The following CNTN4 variants were observed in gnomAD, a reference collection of about 807,000 sequenced individuals.
The protein encoded by CNTN4 is contactin 4, also known as contactin-4.
Under a neutral mutation model 122.5 loss-of-function variants are expected in CNTN4, and 77 were observed. The ratio of observed to expected loss-of-function variants is 0.63; its 90% CI spans 0.52 to 0.76. CNTN4 has a LOEUF of 0.76. Among genes scored for constraint, CNTN4 ranks in the 30% least tolerant of loss-of-function variants. The probability of loss-of-function intolerance (pLI) is 0.00; values close to 1 mark genes in which losing one functional copy is unlikely to be tolerated. For missense variants in CNTN4, 1,256 were observed against 1,259.1 expected, an observed-to-expected ratio of 1.00 and a Z score of 0.04; for synonymous variants, 512 against 447.0, an observed-to-expected ratio of 1.15 and a Z score of -1.83.
At chr3:2,396,176 C>A (rs1294110177) in intron 3 of CNTN4, among the ~76,000 whole-genome samples, 1 of 151,994 alleles carries the variant, frequency 6.6e-6, no homozygotes, top group Non-Finnish European at 1.5e-5. Flanking sequence ...AAGCATGCAC[C>A]ATCATGCCCT....
chr3:2,276,420 T>C (rs755990645), intron 2 of CNTN4, among the ~76,000 whole-genome samples: 41 of 152,052 alleles, frequency 2.7e-4, no homozygotes, highest in Non-Finnish European at 4.9e-4. Context: ...GTGATCCACC[T>C]GCCTCTGCCT....
intron 2 of CNTN4, among the ~76,000 whole-genome samples, chr3:2,295,575 T>C (rs898540008): frequency 1.3e-5 from 2 of 152,200 alleles, no homozygotes; most frequent in African/African-American, 4.8e-5. Flanking sequence ...ATTCTGGATA[T>C]TAGTCCTTTG....
chr3:2,206,928 A>C (rs1361450774), intron 2 of CNTN4, among the ~76,000 whole-genome samples: 1 of 150,382 alleles, frequency 6.6e-6, no homozygotes, highest in Non-Finnish European at 1.5e-5. Flanking sequence ...CTCTGAGTTG[A>C]GCAAGGCTAT....
chr3:2,108,533 A>T (rs1267219834), intron 2 of CNTN4, among the ~76,000 whole-genome samples: 1 of 152,022 alleles, frequency 6.6e-6, no homozygotes, highest in African/African-American at 2.4e-5. Flanking sequence ...TTAACATGCC[A>T]CTCGGTGCAA....
At chr3:2,794,457 C>CT (rs1178010189) in intron 6 of CNTN4, among the ~76,000 whole-genome samples, 2 of 152,108 alleles carry the variant, frequency 1.3e-5, no homozygotes, top group African/African-American at 2.4e-5. Context: ...TAATAAATCC[C>CT]TTTTTTTGTT....
chr3:2,166,947 A>G (rs1487374914), intron 2 of CNTN4, among the ~76,000 whole-genome samples: 1 of 152,212 alleles, frequency 6.6e-6, no homozygotes, highest in Admixed American at 6.5e-5. Context: ...GAAAGAAACG[A>G]GAAAATATAA....
At chr3:2,887,013 T>A in intron 9 of CNTN4, 27 bp from the exon 10 acceptor site, 1 of 1,604,262 alleles carries the variant, frequency 6.2e-7, no homozygotes, top group Non-Finnish European at 8.5e-7. Flanking sequence ...TCTAGTTTGA[T>A]TCACTCCTTT....
intron 2 of CNTN4, among the ~76,000 whole-genome samples, chr3:2,298,289 T>C (rs1396676678): frequency 6.6e-6 from 1 of 152,216 alleles, no homozygotes; most frequent in African/African-American, 2.4e-5. Context: ...CTTAACTTTT[T>C]TCTTGAAATT....
chr3:2,508,589 T>G (rs2076798510), intron 3 of CNTN4, among the ~76,000 whole-genome samples: 1 of 152,158 alleles, frequency 6.6e-6, no homozygotes, highest in African/African-American at 2.4e-5. Flanking sequence ...TCCCCCAGGT[T>G]CTTATTAGCC....
intron 13 of CNTN4, among the ~76,000 whole-genome samples, chr3:2,985,891 A>T (rs1694514298): frequency 1.3e-5 from 2 of 152,092 alleles, no homozygotes; most frequent in Non-Finnish European, 2.9e-5. Context: ...CTATATATAC[A>T]AATGACCAAA....
At chr3:3,043,845 G>C in intron 23 of CNTN4, 141 bp downstream of exon 23, 2 of 700,718 alleles carry the variant, frequency 2.9e-6, no homozygotes, top group South Asian at 3.1e-5. Context: ...CTCCAACACG[G>C]TTTGATCTGA....
intron 4 of CNTN4, among the ~76,000 whole-genome samples, chr3:2,706,976 ATGTGTGTG>A (rs369390925): frequency 6.6e-6 from 1 of 150,726 alleles, no homozygotes; most frequent in Non-Finnish European, 1.5e-5. Flanking sequence ...GATTATGTGT[ATGTGTGTG>A]TGTGTGTGTA....
chr3:2,714,389 A>G (rs2087349829), intron 4 of CNTN4, among the ~76,000 whole-genome samples: 1 of 152,130 alleles, frequency 6.6e-6, no homozygotes, highest in Non-Finnish European at 1.5e-5. Context: ...GCCCTAGGAA[A>G]TGATGTGACT....
chr3:2,467,632 C>G (rs1348118241), intron 3 of CNTN4, among the ~76,000 whole-genome samples: 1 of 152,034 alleles, frequency 6.6e-6, no homozygotes, highest in East Asian at 1.9e-4. Flanking sequence ...ATGTAAAGGT[C>G]CAGGTAGAAT....
intron 2 of CNTN4, among the ~76,000 whole-genome samples, chr3:2,170,078 T>A (rs1300151021): frequency 1.3e-5 from 2 of 151,794 alleles, no homozygotes; most frequent in Non-Finnish European, 2.9e-5. Context: ...TCCCAGCACT[T>A]TGGGAGGCCG....
chr3:2,317,986 CTTTAGAT>C (rs1559447966), intron 2 of CNTN4, among the ~76,000 whole-genome samples: 1 of 152,100 alleles, frequency 6.6e-6, no homozygotes, highest in Non-Finnish European at 1.5e-5. Context: ...CTTTGTATTT[CTTTAGAT>C]TTAAGTTATA....
At position 2,385,261 on chromosome 3, in the gene CNTN4, A is replaced by C. The variant is rs1027689074; in HGVS notation, c.-89+46028A>C. 6.6e-6 allele frequency among the ~76,000 whole-genome samples: 1 copy of C among 151,948 alleles called. No individual in the cohort carries two copies. Among genetic ancestry groups the C allele is most frequent in the Admixed American group, 6.6e-5 (1 of 15,248 alleles). On this transcript the variant is annotated intron_variant, in intron 3 of 24. Transcript: ENST00000418658. The surrounding 1 kb of genome is among the most constrained non-coding windows in gnomAD (Gnocchi z 4.0). ...TTTTATTTTTTATTTTTATTTCTAC[A>C]CTTTTTATTTCTACAGTAATATCAA...
At chr3:2,700,261 C>T (rs560614693) in intron 4 of CNTN4, among the ~76,000 whole-genome samples, 1 of 152,294 alleles carries the variant, frequency 6.6e-6, no homozygotes, top group South Asian at 2.1e-4. Flanking sequence ...ATGTCCAGTT[C>T]TCTCATTCTA....
chr3:2,825,614 A>G lies in CNTN4; in HGVS notation c.454+6033A>G, dbSNP rs556453103. ...TGAGGTGGGAGGATTCCTTGAGCCT[A>G]GCAGTTCAAGGCTGCAGTGAGCTAT... On this transcript the variant is annotated intron_variant, in intron 7 of 24. Coordinates refer to ENST00000418658, the MANE Select transcript of CNTN4 (RefSeq NM_175607.3). Among the ~76,000 whole-genome samples, 31 of 152,214 alleles carry G rather than the reference A, an allele frequency of 2.0e-4. No homozygotes were observed. The East Asian group carries it at 3.9e-3, about 19-fold the overall frequency.
Sources: gnomAD v4.1 joint callset for allele counts (sites outside exome capture counted in the v4.1 genomes callset) on GRCh38, gnomAD v4.1.1 for gene constraint, Gnocchi (gnomAD v3.1) non-coding constraint, MANE v1.5 for transcripts, NCBI Gene and HGNC (gene_info 2026-07-23, HGNC 2026-07-21) for gene names.